Variants in SYNJ1 observed in about 807,000 individuals in gnomAD.
The protein encoded by SYNJ1 is polyphosphatidylinositol phosphatase SYNJ1.
In SYNJ1, 78 loss-of-function variants were observed where a neutral mutation model predicts 168.2. That is an observed-to-expected ratio of 0.46 (90% CI 0.39 to 0.56). The LOEUF (loss-of-function observed/expected upper bound fraction) is 0.56, where lower values mean the gene tolerates loss of function less well. Among genes scored for constraint, SYNJ1 ranks in the 20% least tolerant of loss-of-function variants. The pLI is 0.00. For synonymous variants in SYNJ1, 539 were observed against 548.6 expected, an observed-to-expected ratio of 0.98 and a Z score of 0.24; for missense variants, 1,303 against 1,597.6, an observed-to-expected ratio of 0.82 and a Z score of 3.14.
At chr21:32,656,226 G>A (rs1041304008) in intron 21 of SYNJ1, among the ~76,000 whole-genome samples, 1 of 152,138 alleles carries the variant, frequency 6.6e-6, no homozygotes, top group Non-Finnish European at 1.5e-5. Flanking sequence ...AAGGCCAGGG[G>A]TTTGAGACCA....
intron 23 of SYNJ1, among the ~76,000 whole-genome samples, chr21:32,649,221 A>G (rs1433286810): frequency 6.6e-6 from 1 of 152,208 alleles, no homozygotes; most frequent in African/African-American, 2.4e-5. Context: ...CAGCTGTCGA[A>G]TCTCCAGCAC....
At chr21:32,685,012 T>C (rs2041771939) in intron 9 of SYNJ1, among the ~76,000 whole-genome samples, 3 of 150,662 alleles carry the variant, frequency 2.0e-5, no homozygotes, top group African/African-American at 7.3e-5. Flanking sequence ...ACCCCGTCTC[T>C]ACTAAAAATA....
rs2040942245 is a variant in SYNJ1, at chr21:32,666,583, A to T, written c.1812-10T>A. ...CTTCTGATTTGTTGTGCTACAAGAA[A>T]ATATTAAAAAGAGAATTTTTTAAAA... On this transcript the variant is annotated splice_polypyrimidine_tract_variant and intron_variant, in intron 15 of 32. Coordinates refer to ENST00000674351, the MANE Select transcript of SYNJ1 (RefSeq NM_203446.3). The T allele has an allele frequency of 1.2e-6, 2 of 1,600,246 alleles. 1 individual carries two copies. Among genetic ancestry groups the T allele is most frequent in the Middle Eastern group, 3.4e-4 (2 of 5,970 alleles).
chr21:32,661,183 C>G (rs1213392306), intron 18 of SYNJ1, among the ~76,000 whole-genome samples: 1 of 152,228 alleles, frequency 6.6e-6, no homozygotes, highest in Admixed American at 6.5e-5. Flanking sequence ...AACCACTCTT[C>G]TAGGTCAAGA....
intron 2 of SYNJ1, among the ~76,000 whole-genome samples, chr21:32,721,023 AC>A (rs2043200574): frequency 6.6e-6 from 1 of 152,242 alleles, no homozygotes; most frequent in Non-Finnish European, 1.5e-5. Flanking sequence ...AAGACTAAGA[AC>A]AATGAATTGT....
chr21:32,711,507 A>G (rs894534124), intron 2 of SYNJ1, among the ~76,000 whole-genome samples: 3 of 151,858 alleles, frequency 2.0e-5, no homozygotes, highest in African/African-American at 7.3e-5. Flanking sequence ...TAATTTTTGT[A>G]TTTTTAGTAG....
chr21:32,676,364 G>A lies in SYNJ1; in HGVS notation c.1511-9C>T, dbSNP rs1169665609. 6.2e-7 allele frequency: 1 copy of A among 1,604,774 alleles called. No homozygotes were observed. The highest frequency in any genetic ancestry group is 8.5e-7 in the Non-Finnish European group (1 of 1,175,292). On this transcript the variant is annotated splice_polypyrimidine_tract_variant and intron_variant, in intron 12 of 32. Transcript: ENST00000674351. ...TAATGTCTGCTCAGAAACTATGGAT[G>A]CAACAAGAAGAAAACAAAGAATCAT...
chr21:32,668,385 C>G (rs1340435274), intron 15 of SYNJ1, among the ~76,000 whole-genome samples: 2 of 152,062 alleles, frequency 1.3e-5, no homozygotes, highest in African/African-American at 2.4e-5. Flanking sequence ...TTTGATTAAA[C>G]CTAGCCTAAA....
chr21:32,673,626 C>G, intron 13 of SYNJ1, 95 bp from the exon 14 acceptor site: 3 of 1,051,112 alleles, frequency 2.9e-6, no homozygotes, highest in Non-Finnish European at 3.8e-6. Context: ...CTGGAAAGCA[C>G]AATTATTATC....
intron 22 of SYNJ1, among the ~76,000 whole-genome samples, chr21:32,651,113 C>A (rs1720126): frequency 6.6e-6 from 1 of 152,124 alleles, no homozygotes; most frequent in African/African-American, 2.4e-5. Flanking sequence ...TGGTCAAGGA[C>A]AAAATGTGCA....
rs906521118 is a variant in SYNJ1 at position 32,629,409 on chromosome 21, G to A, written c.*2396C>T. 3 of 152,634 alleles carry A rather than the reference G, an allele frequency of 2.0e-5. No individual in the cohort carries two copies. Among genetic ancestry groups the A allele is most frequent in the Admixed American group, 2.0e-4 (3 of 15,288 alleles). 9.5% of individuals were successfully genotyped at this position (152,634 alleles called of 1,614,324 possible). ...TTATTTCTAACAGCAAATCTTGGCT[G>A]TTAACAGAGAAGATTACTTCTATAA... On this transcript the variant is annotated 3_prime_UTR_variant, in exon 33 of 33. Transcript: ENST00000674351.
intron 6 of SYNJ1, among the ~76,000 whole-genome samples, chr21:32,689,375 C>T (rs1254975037): frequency 6.6e-6 from 1 of 152,214 alleles, no homozygotes; most frequent in Non-Finnish European, 1.5e-5. Context: ...CGGCTCACTG[C>T]AACCTCTGCC....
chr21:32,644,741 T>C (rs920631167), intron 26 of SYNJ1, among the ~76,000 whole-genome samples: 2 of 152,204 alleles, frequency 1.3e-5, no homozygotes, highest in African/African-American at 4.8e-5. Flanking sequence ...TTTTGGGTAT[T>C]AAATCTTTGT....
intron 4 of SYNJ1, 92 bp from the exon 5 acceptor site, chr21:32,695,374 T>A: frequency 1.7e-6 from 2 of 1,180,104 alleles, no homozygotes; most frequent in Non-Finnish European, 2.3e-6. Context: ...TAATTTAATA[T>A]TATTAAATTT....
upstream of SYNJ1, chr21:32,728,251 C>A: frequency 1.8e-6 from 1 of 567,356 alleles, no homozygotes; most frequent in Non-Finnish European, 3.0e-6. Flanking sequence ...GAAGATCTGG[C>A]CTCCTTGGTC....
rs142964720 is a variant in SYNJ1, at chr21:32,643,457, C to T, written c.3431G>A (p.Gly1144Asp). 1.1e-4 allele frequency: 171 copies of T among 1,613,624 alleles called. No homozygotes were observed. In the African/African-American group the frequency reaches 1.9e-3, roughly 18 times the overall value. Residue 1144 changes from glycine to aspartate, a missense_variant and splice_region_variant, in exon 27 of 33, where the codon GGT becomes GAT. Transcript: ENST00000674351. ...SPAPTRKEFG[G>D]IGAPPSPGVA... is the part of the protein sequence containing the mutation. ...CCCAGGACTGGGAGGGGCTCCAATA[C>T]CTTTTTAGAGAAAGAACAGAAACTA...
intron 22 of SYNJ1, among the ~76,000 whole-genome samples, chr21:32,652,210 T>TC (rs1203253302): frequency 6.6e-6 from 1 of 152,076 alleles, no homozygotes; most frequent in East Asian, 1.9e-4. Context: ...GAATTTTTTT[T>TC]TTTTTTTTGA....
intron 31 of SYNJ1, 104 bp from the exon 32 acceptor site, chr21:32,634,988 GA>G: frequency 1.7e-6 from 2 of 1,163,314 alleles, no homozygotes; most frequent in Non-Finnish European, 2.6e-6. Flanking sequence ...CTAAGTTACA[GA>G]CAGAACCCAA....
At chr21:32,687,491 G>A (rs2041876611) in intron 7 of SYNJ1, among the ~76,000 whole-genome samples, 2 of 152,170 alleles carry the variant, frequency 1.3e-5, no homozygotes, top group African/African-American at 4.8e-5. Flanking sequence ...CAGAAAAATG[G>A]GCCCCAAATA....
Sources: allele counts gnomAD v4.1 joint callset (sites outside exome capture counted in the v4.1 genomes callset), GRCh38; gene constraint gnomAD v4.1.1; transcripts MANE v1.5; gene names NCBI Gene and HGNC (gene_info 2026-07-23, HGNC 2026-07-21).